The following MAGI2 variants were observed in gnomAD, a reference collection of about 807,000 sequenced individuals.
MAGI2 encodes the protein membrane associated guanylate kinase, WW and PDZ domain containing 2.
A neutral mutation model predicts 133.3 loss-of-function variants in MAGI2; 35 were observed. The observed-to-expected ratio is 0.26, with a 90% confidence interval of 0.20 to 0.35. The LOEUF (loss-of-function observed/expected upper bound fraction) is 0.35, where lower values mean the gene tolerates loss of function less well. Among genes scored for constraint, MAGI2 ranks in the 10% least tolerant of loss-of-function variants. The pLI, the probability that MAGI2 is intolerant of heterozygous loss-of-function variation, is 1.00. For missense variants in MAGI2, 1,636 were observed against 1,863.4 expected, an observed-to-expected ratio of 0.88 and a Z score of 2.25; for synonymous variants, 729 against 710.6, an observed-to-expected ratio of 1.03 and a Z score of -0.41.
chr7:78,509,795 C>G (rs916522194), intron 4 of MAGI2, among the ~76,000 whole-genome samples: 1 of 152,152 alleles, frequency 6.6e-6, no homozygotes, highest in Non-Finnish European at 1.5e-5. Flanking sequence ...AATATCTTAT[C>G]CATATTTTCA....
chr7:79,059,287 C>T (rs528861251), intron 1 of MAGI2, among the ~76,000 whole-genome samples: 3 of 152,114 alleles, frequency 2.0e-5, no homozygotes, highest in Admixed American at 1.3e-4. Context: ...CCATGGGTAA[C>T]GGACCTTGTC....
intron 9 of MAGI2, among the ~76,000 whole-genome samples, chr7:78,297,293 C>CAGTT (rs1245124127): frequency 6.6e-6 from 1 of 151,702 alleles, no homozygotes; most frequent in African/African-American, 2.4e-5. Flanking sequence ...CATCTCACAC[C>CAGTT]AGTTAGAATG....
At chr7:78,960,859 G>A (rs1354718311) in intron 2 of MAGI2, among the ~76,000 whole-genome samples, 1 of 151,988 alleles carries the variant, frequency 6.6e-6, no homozygotes, top group African/African-American at 2.4e-5. Flanking sequence ...ATCCTCATTA[G>A]CCCATATTTT....
chr7:78,195,709 C>T (rs183215092), intron 11 of MAGI2, among the ~76,000 whole-genome samples: 1 of 152,290 alleles, frequency 6.6e-6, no homozygotes, highest in East Asian at 1.9e-4. Context: ...TAAAGACCTG[C>T]AGAGTACTTC....
At chr7:79,281,826 A>G (rs1292759623) in intron 1 of MAGI2, among the ~76,000 whole-genome samples, 1 of 152,184 alleles carries the variant, frequency 6.6e-6, no homozygotes, top group Non-Finnish European at 1.5e-5. Context: ...TCTTCACTCT[A>G]TAATATGAAA....
intron 1 of MAGI2, among the ~76,000 whole-genome samples, chr7:79,241,922 C>T (rs540016923): frequency 9.9e-5 from 15 of 152,236 alleles, no homozygotes; most frequent in African/African-American, 3.4e-4. Context: ...GATAGTTTTC[C>T]CTATGATTTA....
intron 3 of MAGI2, chr7:78,616,206 T>C (rs567858902): frequency 1.3e-5 from 2 of 152,338 alleles, no homozygotes; most frequent in Admixed American, 1.3e-4. Context: ...AAATAAGTTT[T>C]GGAATTTGTA....
At chr7:78,743,185 T>C (rs6946747) in intron 2 of MAGI2, among the ~76,000 whole-genome samples, 11,459 of 152,220 alleles carry the variant, frequency 0.075, 504 homozygotes, top group African/African-American at 0.12. Context: ...GAACATCCCC[T>C]CCTCTACTAG....
intron 2 of MAGI2, among the ~76,000 whole-genome samples, chr7:78,751,338 A>G (rs369376722): frequency 6.6e-6 from 1 of 152,220 alleles, no homozygotes; most frequent in Admixed American, 6.5e-5. Flanking sequence ...AAACTTTCAC[A>G]TTATTCCTAA....
At chr7:78,964,462 G>C (rs979519909) in intron 2 of MAGI2, among the ~76,000 whole-genome samples, 2 of 151,858 alleles carry the variant, frequency 1.3e-5, no homozygotes, top group East Asian at 1.9e-4. Context: ...CAATTAAGTT[G>C]CTTCCTCTTT....
intron 1 of MAGI2, among the ~76,000 whole-genome samples, chr7:79,016,431 T>C (rs1355900488): frequency 8.5e-5 from 13 of 152,096 alleles, no homozygotes; most frequent in Non-Finnish European, 1.3e-4. Flanking sequence ...TCATAGCTCC[T>C]GCACTGACAG....
chr7:78,529,878 A>T (rs1797314679), intron 3 of MAGI2, among the ~76,000 whole-genome samples: 1 of 151,438 alleles, frequency 6.6e-6, no homozygotes, highest in Admixed American at 6.6e-5. Flanking sequence ...AGTAATTTTA[A>T]TATTTTTCTT....
At chr7:79,198,828 T>C (rs1329458942) in intron 1 of MAGI2, among the ~76,000 whole-genome samples, 1 of 151,748 alleles carries the variant, frequency 6.6e-6, no homozygotes, top group African/African-American at 2.4e-5. Flanking sequence ...GCAGATGTTG[T>C]AGTGAACAGA....
intron 6 of MAGI2, among the ~76,000 whole-genome samples, chr7:78,453,698 C>G (rs901367247): frequency 2.0e-5 from 3 of 152,146 alleles, no homozygotes; most frequent in African/African-American, 7.2e-5. Context: ...ATGCTAAACT[C>G]TTCATAGACA....
At chr7:78,075,611 C>G (rs917905099) in intron 21 of MAGI2, among the ~76,000 whole-genome samples, 2 of 152,058 alleles carry the variant, frequency 1.3e-5, no homozygotes, top group Non-Finnish European at 2.9e-5. Context: ...CTCCTGACCT[C>G]GTGATCTGCC....
intron 2 of MAGI2, among the ~76,000 whole-genome samples, chr7:78,899,691 A>G (rs1170352815): frequency 6.6e-6 from 1 of 152,168 alleles, no homozygotes; most frequent in Non-Finnish European, 1.5e-5. Flanking sequence ...TCAATCATAC[A>G]GATCCAAACT....
intron 16 of MAGI2, among the ~76,000 whole-genome samples, chr7:78,145,234 C>T (rs1318671868): frequency 6.6e-6 from 1 of 152,158 alleles, no homozygotes; most frequent in Non-Finnish European, 1.5e-5. Flanking sequence ...TCCAGCATTA[C>T]TATTGAGAGG....
intron 14 of MAGI2, among the ~76,000 whole-genome samples, chr7:78,175,759 C>T (rs1041380125): frequency 6.6e-6 from 1 of 152,024 alleles, no homozygotes; most frequent in Non-Finnish European, 1.5e-5. Flanking sequence ...ACCTTAACCT[C>T]GAGTTTGGCT....
At chr7:78,535,723 C>G (rs1282929369) in intron 3 of MAGI2, among the ~76,000 whole-genome samples, 1 of 152,096 alleles carries the variant, frequency 6.6e-6, no homozygotes, top group African/African-American at 2.4e-5. Flanking sequence ...GCAGGACTAA[C>G]AAATTAGCCA....
Sources: gnomAD v4.1 joint callset for allele counts (sites outside exome capture counted in the v4.1 genomes callset) on GRCh38, gnomAD v4.1.1 for gene constraint, MANE v1.5 for transcripts, NCBI Gene and HGNC (gene_info 2026-07-23, HGNC 2026-07-21) for gene names.